ABCB11: variants seen among roughly 807,000 people sequenced by gnomAD.
ABCB11 encodes the protein bile salt export pump.
ABCB11 carries 95 observed loss-of-function variants against 148.0 expected under a neutral mutation model. That is an observed-to-expected ratio of 0.64 (90% CI 0.54 to 0.76). The LOEUF (loss-of-function observed/expected upper bound fraction) is 0.76, where lower values mean the gene tolerates loss of function less well. Ranked by LOEUF, ABCB11 falls within the 30% of genes least tolerant of loss-of-function variation. The pLI, the probability that ABCB11 is intolerant of heterozygous loss-of-function variation, is 0.00. For synonymous variants in ABCB11, 591 were observed against 555.4 expected, an observed-to-expected ratio of 1.06 and a Z score of -0.90; for missense variants, 1,523 against 1,617.8, an observed-to-expected ratio of 0.94 and a Z score of 1.01.
intron 16 of ABCB11, among the ~76,000 whole-genome samples, chr2:168,969,131 A>AT (rs1491587143): frequency 7.5e-6 from 1 of 132,718 alleles, no homozygotes; most frequent in Non-Finnish European, 1.6e-5. Flanking sequence ...AAAAAAAAAA[A>AT]GGGGGGGATG....
chr2:169,003,004 T>C (rs1250335102), intron 5 of ABCB11, among the ~76,000 whole-genome samples: 6 of 152,122 alleles, frequency 3.9e-5, no homozygotes, highest in African/African-American at 7.2e-5. Flanking sequence ...GGTGTTGGGT[T>C]ACATGAATAA....
intron 5 of ABCB11, among the ~76,000 whole-genome samples, chr2:169,005,320 G>A (rs530424507): frequency 1.3e-5 from 2 of 152,070 alleles, no homozygotes; most frequent in Non-Finnish European, 2.9e-5. Context: ...ACCATGTAGG[G>A]GCAGGGATAG....
intron 8 of ABCB11, among the ~76,000 whole-genome samples, chr2:168,992,963 C>T (rs908711818): frequency 6.6e-5 from 10 of 152,044 alleles, no homozygotes; most frequent in Admixed American, 4.6e-4. Flanking sequence ...CCATAACGTG[C>T]TATCTAATGT....
chr2:168,948,711 C>T (rs1692432472), intron 19 of ABCB11, among the ~76,000 whole-genome samples: 1 of 151,726 alleles, frequency 6.6e-6, no homozygotes, highest in African/African-American at 2.4e-5. Context: ...AGATTTTCAG[C>T]ATAAAAGTTT....
intron 16 of ABCB11, among the ~76,000 whole-genome samples, chr2:168,968,938 C>G (rs79866666): frequency 0.044 from 6,656 of 151,836 alleles, 258 homozygotes; most frequent in African/African-American, 0.094. Context: ...AGGTAACCAC[C>G]AAGTCTGAAA....
Position 169,013,494 on chromosome 2 carries a change from G to A in ABCB11, c.167C>T (p.Ser56Leu), listed in dbSNP as rs11568361. 6.9e-4 allele frequency: 1,106 copies of A among 1,613,068 alleles called. 1 individual carries two copies. The highest frequency in any genetic ancestry group is 8.8e-4 in the Non-Finnish European group (1,034 of 1,179,352). The change falls in exon 5 of 28, where the codon TCA becomes TTA. Residue 56 changes from serine (S) to leucine (L), a missense_variant. Coordinates refer to ENST00000650372, the MANE Select transcript of ABCB11 (RefSeq NM_003742.4). Reference sequence around the variant, plus strand: ...CACAAACATCAGCCAAATGTCAGTTGATGAAGAAAACCGAAACTTGAAAAA... The same window carrying A: ...CACAAACATCAGCCAAATGTCAGTTAATGAAGAAAACCGAAACTTGAAAAA... ...GFFQLFRFSS[S>L]TDIWLMFVGS...
chr2:168,987,038 G>A (rs1235333203), intron 9 of ABCB11, among the ~76,000 whole-genome samples: 2 of 152,000 alleles, frequency 1.3e-5, no homozygotes, highest in East Asian at 3.9e-4. Flanking sequence ...CTCTTTTATT[G>A]ACAATAAAAG....
chr2:168,988,708 A>T (rs1338661680), intron 9 of ABCB11, among the ~76,000 whole-genome samples: 1 of 151,876 alleles, frequency 6.6e-6, no homozygotes, highest in African/African-American at 2.4e-5. Context: ...GGCTGTACTG[A>T]TTTACTTTCC....
intron 1 of ABCB11, among the ~76,000 whole-genome samples, chr2:169,029,942 G>A (rs111999250): frequency 6.8e-6 from 1 of 146,304 alleles, no homozygotes; most frequent in African/African-American, 2.6e-5. Context: ...GGGTTTCACC[G>A]TGTTAGCCAG....
At chr2:169,004,329 A>G (rs778045221) in intron 5 of ABCB11, among the ~76,000 whole-genome samples, 1 of 152,176 alleles carries the variant, frequency 6.6e-6, no homozygotes, top group Middle Eastern at 3.2e-3. Context: ...TTGGTCATTT[A>G]ACATAGTCCC....
chr2:168,917,989 T>A (rs1559169844), downstream of ABCB11, among the ~76,000 whole-genome samples: 2 of 152,190 alleles, frequency 1.3e-5, no homozygotes, highest in Non-Finnish European at 1.5e-5. Context: ...ATTTTGGATA[T>A]GTTGGGTTGA....
At chr2:168,983,988 A>G (rs1394857450) in intron 10 of ABCB11, among the ~76,000 whole-genome samples, 1 of 152,118 alleles carries the variant, frequency 6.6e-6, no homozygotes, top group Non-Finnish European at 1.5e-5. Flanking sequence ...CAAATATTCC[A>G]TATCACAAAA....
chr2:169,013,380 T>A lies in ABCB11; in HGVS notation c.281A>T (p.Asp94Val). 1 of 1,613,848 alleles carries A rather than the reference T, an allele frequency of 6.2e-7. No homozygotes were observed. Among genetic ancestry groups the A allele is most frequent in the Non-Finnish European group, 8.5e-7 (1 of 1,179,796 alleles). Residue 94 changes from aspartate (D) to valine (V), a missense_variant, in exon 5 of 28, where the codon GAC becomes GTC. Asp to Val is a radical substitution (Grantham distance 152). Coordinates refer to ENST00000650372, the MANE Select transcript of ABCB11 (RefSeq NM_003742.4). ...GTMTDVFIDYDVELQELQIPG... is the reference protein window; with the variant it reads ...GTMTDVFIDYVVELQELQIPG... ...AATCTGGAGTTCTTGTAACTCAACGTCGTAGTCAATAAAAACATCTGTCAT... is the reference window on the plus strand; with the variant it reads ...AATCTGGAGTTCTTGTAACTCAACGACGTAGTCAATAAAAACATCTGTCAT...
chr2:168,923,547 G>T lies in ABCB11; in HGVS notation c.*75C>A. ...AAAAACAATCCCAGCAATCCCTCCT[G>T]CTGGGATTGTTTTTTTCTTTAAAAA... is the stretch of plus-strand genomic sequence containing the variant. On this transcript the variant is annotated 3_prime_UTR_variant, in exon 28 of 28. Coordinates refer to ENST00000650372, the MANE Select transcript of ABCB11 (RefSeq NM_003742.4). The T allele has an allele frequency of 7.2e-7, 1 of 1,383,566 alleles. No individual in the cohort carries two copies. The highest frequency in any genetic ancestry group is 1.0e-6 in the Non-Finnish European group (1 of 977,492). 85.7% of individuals were successfully genotyped at this position (1,383,566 alleles called of 1,614,324 possible). A position where few individuals can be genotyped will look rare whatever the true frequency, so the allele number is the denominator to read the frequency against.
intron 5 of ABCB11, among the ~76,000 whole-genome samples, chr2:169,010,001 A>T (rs10170513): frequency 0.025 from 3,738 of 152,254 alleles, 151 homozygotes; most frequent in African/African-American, 0.084. Context: ...GCATTGATTT[A>T]TCTGTATGAG....
intron 1 of ABCB11, among the ~76,000 whole-genome samples, chr2:169,028,727 C>G (rs1411729067): frequency 6.6e-6 from 1 of 152,044 alleles, no homozygotes; most frequent in East Asian, 1.9e-4. Context: ...AAAAGTTACC[C>G]TGATAAGGCT....
intron 5 of ABCB11, among the ~76,000 whole-genome samples, chr2:169,004,477 A>G (rs896576749): frequency 1.3e-5 from 2 of 152,106 alleles, no homozygotes; most frequent in Admixed American, 1.3e-4. Flanking sequence ...GTTCCAGTAC[A>G]TTATGCATTT....
chr2:168,997,381 A>G (rs1047727316), intron 5 of ABCB11, among the ~76,000 whole-genome samples: 16 of 152,108 alleles, frequency 1.1e-4, no homozygotes, highest in Non-Finnish European at 2.2e-4. Flanking sequence ...AGCCAAAGAC[A>G]CTTGTGGGAA....
chr2:169,022,125 C>T (rs1285136645), intron 1 of ABCB11, among the ~76,000 whole-genome samples: 1 of 151,500 alleles, frequency 6.6e-6, no homozygotes, highest in Non-Finnish European at 1.5e-5. Flanking sequence ...ATCTTGTGGG[C>T]TACAGCTAAA....
Sources: allele counts gnomAD v4.1 joint callset (sites outside exome capture counted in the v4.1 genomes callset), GRCh38; gene constraint gnomAD v4.1.1; transcripts MANE v1.5; gene names NCBI Gene and HGNC (gene_info 2026-07-23, HGNC 2026-07-21).